POLN: variants seen among roughly 807,000 people sequenced by gnomAD.
The protein encoded by POLN is DNA polymerase N.
A neutral mutation model predicts 113.5 loss-of-function variants in POLN; 108 were observed. The ratio of observed to expected loss-of-function variants is 0.95; its 90% CI spans 0.81 to 1.12. The LOEUF (loss-of-function observed/expected upper bound fraction) is 1.12, where lower values mean the gene tolerates loss of function less well. Among genes scored for constraint, POLN ranks in the 50% most tolerant of loss-of-function variants. The pLI, the probability that POLN is intolerant of heterozygous loss-of-function variation, is 0.00. For synonymous variants in POLN, 386 were observed against 391.5 expected (o/e 0.99, Z 0.17); for missense variants, 1,097 against 1,077.1 (o/e 1.02, Z -0.26).
intron 16 of POLN, among the ~76,000 whole-genome samples, chr4:2,149,715 G>GT (rs1732241244): frequency 6.6e-6 from 1 of 152,198 alleles, no homozygotes; most frequent in African/African-American, 2.4e-5. Context: ...GAGCCCGGGA[G>GT]TTGGAGGCTG....
At chr4:2,122,832 A>G (rs151201901) in intron 19 of POLN, among the ~76,000 whole-genome samples, 91 of 152,318 alleles carry the variant, frequency 6.0e-4, no homozygotes, top group Non-Finnish European at 2.4e-4. Context: ...TACACTCAGG[A>G]GAAATTTAAA....
chr4:2,208,373 T>A lies in POLN; in HGVS notation c.328A>T (p.Ser110Cys), dbSNP rs1457075723. 1 of 1,613,634 alleles carries A rather than the reference T, an allele frequency of 6.2e-7. No homozygotes were observed. The highest frequency in any genetic ancestry group is 1.7e-5 in the Admixed American group (1 of 59,974). ...AAACAACTTGAAAGAGTCAATGAGC[T>A]GATGCTCTTCTGTTTTTGGTCAGCA... Reference protein sequence around the residue: ...LSADQKQKSISSLTLSSCLIP... With the variant: ...LSADQKQKSICSLTLSSCLIP... Residue 110 changes from serine (S) to cysteine (C), a missense_variant, in exon 5 of 26, where the codon AGC (serine) becomes TGC (cysteine). Ser to Cys is a moderately radical substitution (Grantham distance 112, BLOSUM62 -1). Transcript: ENST00000511885.
intron 2 of POLN, among the ~76,000 whole-genome samples, chr4:2,234,835 T>C (rs752983706): frequency 1.3e-5 from 2 of 152,166 alleles, no homozygotes; most frequent in African/African-American, 2.4e-5. Context: ...ATATAACTTA[T>C]AAAATAGACT....
intron 13 of POLN, among the ~76,000 whole-genome samples, chr4:2,161,306 G>A (rs1188599292): frequency 6.6e-6 from 1 of 152,208 alleles, no homozygotes; most frequent in African/African-American, 2.4e-5. Context: ...TGCGCGGGGC[G>A]CTTGCAGGCC....
At chr4:2,076,971 A>C (rs1218565026) in intron 23 of POLN, 1 of 151,926 alleles carries the variant, frequency 6.6e-6, no homozygotes, top group East Asian at 1.9e-4. Context: ...AGGGTGGCCC[A>C]GGACTGCATT....
At chr4:2,090,850 C>G (rs930536720) in intron 20 of POLN, among the ~76,000 whole-genome samples, 38 of 152,304 alleles carry the variant, frequency 2.5e-4, no homozygotes, top group African/African-American at 8.7e-4. Flanking sequence ...AGGGGTCAGC[C>G]AAGGATCTGA....
chr4:2,106,782 A>G (rs1420000949), intron 19 of POLN, among the ~76,000 whole-genome samples: 2 of 152,012 alleles, frequency 1.3e-5, no homozygotes, highest in African/African-American at 2.4e-5. Flanking sequence ...ACTGTGTTTT[A>G]GCAACTGTGA....
chr4:2,181,692 C>T (rs1733146371), intron 7 of POLN, among the ~76,000 whole-genome samples: 1 of 151,960 alleles, frequency 6.6e-6, no homozygotes, highest in Admixed American at 6.6e-5. Flanking sequence ...TTCAAGATGA[C>T]TTTAGGCCGG....
chr4:2,229,352 T>C, intron 2 of POLN, 109 bp from the exon 3 acceptor site: 2 of 921,966 alleles, frequency 2.2e-6, no homozygotes, highest in African/African-American at 1.7e-5. Context: ...ATTTAAAATG[T>C]CTATATTCAT....
intron 7 of POLN, 105 bp downstream of exon 7, chr4:2,193,099 T>A: frequency 1.2e-6 from 1 of 820,614 alleles, no homozygotes; most frequent in Non-Finnish European, 1.9e-6. Flanking sequence ...TGTGGCCAGG[T>A]CCTCCAGGAG....
chr4:2,145,855 G>C (rs1443886378), intron 16 of POLN, among the ~76,000 whole-genome samples: 2 of 152,032 alleles, frequency 1.3e-5, no homozygotes, highest in African/African-American at 2.4e-5. Flanking sequence ...TTTTCTTGCA[G>C]CATTGTTTTT....
At chr4:2,110,792 G>A (rs944298370) in intron 19 of POLN, among the ~76,000 whole-genome samples, 4 of 152,180 alleles carry the variant, frequency 2.6e-5, no homozygotes, top group African/African-American at 9.7e-5. Flanking sequence ...TGGATCCACA[G>A]CAGAATTCTA....
intron 14 of POLN, 136 bp from the exon 15 acceptor site, chr4:2,158,047 G>A: frequency 4.1e-6 from 2 of 487,988 alleles, no homozygotes; most frequent in South Asian, 2.8e-5. Flanking sequence ...TGCCTCCTGG[G>A]GTCAAGTGAT....
At chr4:2,161,136 G>A (rs1309483969) in intron 13 of POLN, among the ~76,000 whole-genome samples, 3 of 152,206 alleles carry the variant, frequency 2.0e-5, no homozygotes, top group African/African-American at 2.4e-5. Flanking sequence ...CCTCGCTCTC[G>A]GCGCCTCCTC....
At chr4:2,214,966 T>C (rs1191641636) in intron 3 of POLN, among the ~76,000 whole-genome samples, 3 of 151,718 alleles carry the variant, frequency 2.0e-5, no homozygotes, top group Non-Finnish European at 4.4e-5. Context: ...GACAGAGTGC[T>C]CTTGCCTTAA....
At position 2,096,716 on chromosome 4, in the gene POLN, G is replaced by GAC. The variant is rs1245956386; in HGVS notation, c.1983-784_1983-783insGT. Among the ~76,000 whole-genome samples, 6 of 151,486 alleles carry GAC rather than the reference G, an allele frequency of 4.0e-5. No homozygotes were observed. The East Asian group carries it at 5.8e-4, about 15-fold the overall frequency. Reference sequence around the variant, plus strand: ...AGAGAGAGAGAGAGAGAGAGAGAGAGAGAGAGAGAGAGAGACACACAGAGA... The same window carrying GAC: ...AGAGAGAGAGAGAGAGAGAGAGAGAGACAGAGAGAGAGAGAGACACACAGAGA... On this transcript the variant is annotated intron_variant, in intron 19 of 25. Transcript: ENST00000511885.
Position 2,240,716 on chromosome 4 carries a change from C to A in POLN, c.-13+804G>T, listed in dbSNP as rs759081132. On this transcript the variant is annotated intron_variant, in intron 2 of 25. Coordinates refer to ENST00000511885, the MANE Select transcript of POLN (RefSeq NM_181808.4). ...TTTTACACGTTTTAAGAGCTTCATCCAATGCCGCCCCTTCTAGAATAGGCT... is the reference window on the plus strand; with the variant it reads ...TTTTACACGTTTTAAGAGCTTCATCAAATGCCGCCCCTTCTAGAATAGGCT... The A allele has an allele frequency of 1.7e-5, 27 of 1,614,022 alleles. No individual in the cohort carries two copies. Among genetic ancestry groups the A allele is most frequent in the Non-Finnish European group, 2.1e-5 (25 of 1,180,000 alleles).
chr4:2,188,124 C>A (rs1577753727), intron 7 of POLN, among the ~76,000 whole-genome samples: 1 of 151,776 alleles, frequency 6.6e-6, no homozygotes, highest in Non-Finnish European at 1.5e-5. Flanking sequence ...TCCCTGCCAA[C>A]CCCTCCCCAA....
chr4:2,109,695 GC>G (rs1188838784), intron 19 of POLN, among the ~76,000 whole-genome samples: 3 of 151,876 alleles, frequency 2.0e-5, no homozygotes, highest in African/African-American at 7.3e-5. Flanking sequence ...CTAGTAATTG[GC>G]TTTCTTATGC....
Sources: allele counts gnomAD v4.1 joint callset (sites outside exome capture counted in the v4.1 genomes callset), GRCh38; gene constraint gnomAD v4.1.1; transcripts MANE v1.5; gene names NCBI Gene and HGNC (gene_info 2026-07-23, HGNC 2026-07-21).